Variants in TBC1D32 observed in about 807,000 individuals in gnomAD.
The protein encoded by TBC1D32 is protein broad-minded.
Under a neutral mutation model 170.3 loss-of-function variants are expected in TBC1D32, and 151 were observed. That is an observed-to-expected ratio of 0.89 (90% CI 0.78 to 1.01). TBC1D32 has a LOEUF of 1.01. TBC1D32 is among the 50% of genes least tolerant of loss of function. The pLI, the probability that TBC1D32 is intolerant of heterozygous loss-of-function variation, is 0.00. For missense variants in TBC1D32, 1,464 were observed against 1,457.1 expected (o/e 1.00, Z -0.08); for synonymous variants, 498 against 488.0 (o/e 1.02, Z -0.27).
intron 17 of TBC1D32, among the ~76,000 whole-genome samples, chr6:121,254,423 AAATT>A (rs78717380): frequency 0.013 from 1,945 of 152,302 alleles, 15 homozygotes; most frequent in Non-Finnish European, 0.021. Flanking sequence ...TTAAAAATGA[AAATT>A]AATTATTAAA....
rs1554271835 is a variant in TBC1D32, at chr6:121,213,466, T to TAATAAAATAAAATAAAATAAAATAA, written c.2482-8328_2482-8304dup. Among the ~76,000 whole-genome samples, 17 of 24,752 alleles carry TAATAAAATAAAATAAAATAAAATAA rather than the reference T, an allele frequency of 6.9e-4. 1 individual carries two copies. Among genetic ancestry groups the TAATAAAATAAAATAAAATAAAATAA allele is most frequent in the Non-Finnish European group, 1.0e-3 (9 of 8,610 alleles). 16.2% of individuals were successfully genotyped at this position (24,752 alleles called of 152,430 possible). A position where few individuals can be genotyped will look rare whatever the true frequency, so the allele number is the denominator to read the frequency against. On this transcript the variant is annotated intron_variant, in intron 21 of 31. Coordinates refer to ENST00000398212, the MANE Select transcript of TBC1D32 (RefSeq NM_152730.6). ...CTATTCACAACTGCCACAAAAATAA[T>TAATAAAATAAAATAAAATAAAATAA]AATAAAATAAAATAAAATAAAATAA...
At chr6:121,186,596 A>G (rs1421615676) in intron 22 of TBC1D32, among the ~76,000 whole-genome samples, 1 of 152,052 alleles carries the variant, frequency 6.6e-6, no homozygotes, top group Non-Finnish European at 1.5e-5. Context: ...ACCATATTTT[A>G]AACTTTGCTC....
At chr6:121,311,859 G>C (rs895611309) in intron 3 of TBC1D32, among the ~76,000 whole-genome samples, 3 of 152,118 alleles carry the variant, frequency 2.0e-5, no homozygotes, top group African/African-American at 7.2e-5. Flanking sequence ...ATTCCTCAAG[G>C]ATCTAGAACC....
At chr6:121,219,963 C>A (rs1220680544) in intron 21 of TBC1D32, among the ~76,000 whole-genome samples, 1 of 152,166 alleles carries the variant, frequency 6.6e-6, no homozygotes, top group Non-Finnish European at 1.5e-5. Context: ...CCAGATAAGA[C>A]AACAAACTTA....
chr6:121,281,505 G>A lies in TBC1D32; in HGVS notation c.1608+39C>T, dbSNP rs757852982. 58 of 1,559,598 alleles carry A rather than the reference G, an allele frequency of 3.7e-5. No homozygotes were observed. The African/African-American group carries it at 7.1e-4, about 19-fold the overall frequency. On this transcript the variant is annotated intron_variant, in intron 14 of 31. Transcript: ENST00000398212. ...CCCACTGAGTATCCACTAATACCCA[G>A]GTAAGAGACTCTTTTTCTCCTTAGT...
chr6:121,215,552 T>C (rs1344043930), intron 21 of TBC1D32, among the ~76,000 whole-genome samples: 3 of 152,132 alleles, frequency 2.0e-5, no homozygotes, highest in Non-Finnish European at 1.5e-5. Context: ...AGCATAAGTA[T>C]CAACACATTA....
chr6:121,123,076 A>G (rs1359134348), intron 26 of TBC1D32, among the ~76,000 whole-genome samples: 2 of 152,118 alleles, frequency 1.3e-5, no homozygotes, highest in Non-Finnish European at 2.9e-5. Flanking sequence ...TAGAGATATC[A>G]ACTAAAAAGG....
intron 1 of TBC1D32, among the ~76,000 whole-genome samples, chr6:121,333,754 C>G (rs1811497636): frequency 6.6e-6 from 1 of 152,108 alleles, no homozygotes; most frequent in Non-Finnish European, 1.5e-5. Flanking sequence ...TTAGGATATG[C>G]TGGTTGTGGC....
At chr6:121,222,803 T>TTTGTATATACTGCCCTC (rs1249105836) in intron 21 of TBC1D32, among the ~76,000 whole-genome samples, 1 of 152,230 alleles carries the variant, frequency 6.6e-6, no homozygotes, top group African/African-American at 2.4e-5. Flanking sequence ...ATTAAATAAA[T>TTTGTATATACTGCCCTC]TTGTATATAC....
chr6:121,209,461 C>G (rs2099130357), intron 21 of TBC1D32, among the ~76,000 whole-genome samples: 1 of 152,154 alleles, frequency 6.6e-6, no homozygotes, highest in South Asian at 2.1e-4. Flanking sequence ...ACTTCATACA[C>G]TTTGACCAAT....
chr6:121,277,110 T>C (rs1383932215), intron 15 of TBC1D32, among the ~76,000 whole-genome samples: 2 of 152,102 alleles, frequency 1.3e-5, no homozygotes, highest in Admixed American at 1.3e-4. Flanking sequence ...ACAGAGATAA[T>C]TCACTAAGAT....
At chr6:121,136,814 C>T (rs890682986) in intron 24 of TBC1D32, among the ~76,000 whole-genome samples, 2 of 152,032 alleles carry the variant, frequency 1.3e-5, no homozygotes, top group African/African-American at 2.4e-5. Context: ...ATTATATACA[C>T]ATGTGTATGT....
chr6:121,097,416 T>C (rs577216718), intron 30 of TBC1D32, among the ~76,000 whole-genome samples: 1 of 152,280 alleles, frequency 6.6e-6, no homozygotes, highest in East Asian at 1.9e-4. Flanking sequence ...AGAAGACATT[T>C]ATGCAGCCAA....
At chr6:121,197,190 C>T (rs935564961) in intron 22 of TBC1D32, among the ~76,000 whole-genome samples, 10 of 152,102 alleles carry the variant, frequency 6.6e-5, no homozygotes, top group East Asian at 3.9e-4. Context: ...AGAGTATGTA[C>T]GGAATACAGG....
At position 121,204,262 on chromosome 6, in the gene TBC1D32, T is replaced by C. The variant is rs534623222; in HGVS notation, c.2570+813A>G. Among the ~76,000 whole-genome samples the C allele has an allele frequency of 5.9e-5, 9 of 151,398 alleles. No individual in the cohort carries two copies. The South Asian group carries it at 1.9e-3, about 31-fold the overall frequency. On this transcript the variant is annotated intron_variant, in intron 22 of 31. Coordinates refer to ENST00000398212, the MANE Select transcript of TBC1D32 (RefSeq NM_152730.6). ...CCTTTGTTATACCTTCTTTGTACTA[T>C]AAAGTCCAAACACGAAGCTCATCTA...
At chr6:121,217,740 T>C (rs1050683748) in intron 21 of TBC1D32, among the ~76,000 whole-genome samples, 1 of 152,120 alleles carries the variant, frequency 6.6e-6, no homozygotes, top group Non-Finnish European at 1.5e-5. Flanking sequence ...AACAAATCTC[T>C]GTAACATGAG....
rs185221052 is a variant in TBC1D32, at chr6:121,185,014, C to G, written c.2570+20061G>C. ...GTATTCTCAGAGGACCATGTATATA[C>G]TTTTTTCCACCAATCTTCTCATACT... On this transcript the variant is annotated intron_variant, in intron 22 of 31. Coordinates refer to ENST00000398212, the MANE Select transcript of TBC1D32 (RefSeq NM_152730.6). Among the ~76,000 whole-genome samples, 4 of 151,602 alleles carry G rather than the reference C, an allele frequency of 2.6e-5. No individual in the cohort carries two copies. In the East Asian group the frequency reaches 7.8e-4, roughly 29 times the overall value.
chr6:121,198,871 TAAAG>T, intron 22 of TBC1D32, among the ~76,000 whole-genome samples: 1 of 150,950 alleles, frequency 6.6e-6, no homozygotes, highest in South Asian at 2.1e-4. Context: ...AGGAGGAAAA[TAAAG>T]AATTAGCAAA....
chr6:121,143,471 C>T (rs1783052789), intron 24 of TBC1D32, among the ~76,000 whole-genome samples: 1 of 152,102 alleles, frequency 6.6e-6, no homozygotes, highest in Non-Finnish European at 1.5e-5. Context: ...AGATGAGATG[C>T]TAACTGTAGC....
Sources: gnomAD v4.1 joint callset for allele counts (sites outside exome capture counted in the v4.1 genomes callset) on GRCh38, gnomAD v4.1.1 for gene constraint, MANE v1.5 for transcripts, NCBI Gene and HGNC (gene_info 2026-07-23, HGNC 2026-07-21) for gene names.